Variants in FREM2 observed in about 807,000 individuals in gnomAD.
FREM2 encodes FRAS1-related extracellular matrix protein 2.
A neutral mutation model predicts 219.9 loss-of-function variants in FREM2; 119 were observed. The ratio of observed to expected loss-of-function variants is 0.54; its 90% confidence interval spans 0.47 to 0.63. FREM2 has a LOEUF of 0.63. Among genes scored for constraint, FREM2 ranks in the 30% least tolerant of loss-of-function variants. The pLI is 0.00. For missense variants in FREM2, 4,030 were observed against 3,993.6 expected (o/e 1.01, Z -0.25); for synonymous variants, 1,562 against 1,522.8 (o/e 1.03, Z -0.60).
intron 2 of FREM2, among the ~76,000 whole-genome samples, chr13:38,746,157 C>G (rs188238622): frequency 3.9e-5 from 6 of 152,134 alleles, no homozygotes; most frequent in African/African-American, 1.2e-4. Flanking sequence ...GGTCTTTAGA[C>G]CACTTATGCT....
rs1217864870 is a variant in FREM2, at chr13:38,886,859, A to C, written c.*6072A>C. The C allele has an allele frequency of 6.7e-6, 1 of 150,226 alleles. No individual in the cohort carries two copies. The highest frequency in any genetic ancestry group is 2.1e-4 in the South Asian group (1 of 4,830). The allele number at this position is 150,226 out of a possible 1,614,324, so 9.3% of individuals were successfully genotyped here. The stretch of plus-strand genomic sequence containing the variant: ...TGACATATCTGTGTGTAATGGAATT[A>C]TTTGCAGAATTTAATAGCCTTTTTT... On this transcript the variant is annotated 3_prime_UTR_variant, in exon 24 of 24. Coordinates refer to ENST00000280481, the MANE Select transcript of FREM2 (RefSeq NM_207361.6).
chr13:38,722,451 C>T (rs1409971947), intron 2 of FREM2, among the ~76,000 whole-genome samples: 1 of 151,986 alleles, frequency 6.6e-6, no homozygotes, highest in Non-Finnish European at 1.5e-5. Flanking sequence ...AGAGTAAATC[C>T]TTAATCCTGC....
chr13:38,845,139 G>T (rs886921934), intron 6 of FREM2, among the ~76,000 whole-genome samples: 4 of 152,304 alleles, frequency 2.6e-5, no homozygotes, highest in African/African-American at 9.6e-5. Flanking sequence ...ATTTGAAGGG[G>T]CTGTATGATT....
At chr13:38,753,645 A>G (rs1285535498) in intron 2 of FREM2, among the ~76,000 whole-genome samples, 1 of 152,256 alleles carries the variant, frequency 6.6e-6, no homozygotes, top group African/African-American at 2.4e-5. Context: ...TTAGCTTGTA[A>G]TTTAGACTCC....
chr13:38,855,781 A>G (rs543013466), intron 11 of FREM2, among the ~76,000 whole-genome samples: 16 of 152,242 alleles, frequency 1.1e-4, no homozygotes, highest in East Asian at 3.9e-4. Context: ...GGTACAGTGT[A>G]TACTGCTTGG....
At chr13:38,868,702 T>G (rs1878057189) in intron 16 of FREM2, among the ~76,000 whole-genome samples, 1 of 152,206 alleles carries the variant, frequency 6.6e-6, no homozygotes, top group Admixed American at 6.5e-5. Flanking sequence ...GGTCTACAGC[T>G]TCATCTGAAT....
At chr13:38,725,164 A>C (rs1393409293) in intron 2 of FREM2, among the ~76,000 whole-genome samples, 1 of 152,244 alleles carries the variant, frequency 6.6e-6, no homozygotes, top group Non-Finnish European at 1.5e-5. Flanking sequence ...GTGCATACAC[A>C]GAAATTTATT....
intron 6 of FREM2, among the ~76,000 whole-genome samples, chr13:38,809,492 T>C (rs1875389899): frequency 6.6e-6 from 1 of 152,036 alleles, no homozygotes; most frequent in South Asian, 2.1e-4. Flanking sequence ...CCATTTTTAT[T>C]TGATGTTTGT....
chr13:38,794,901 C>A (rs890781602), intron 6 of FREM2, among the ~76,000 whole-genome samples: 11 of 152,084 alleles, frequency 7.2e-5, no homozygotes, highest in Admixed American at 6.6e-4. Flanking sequence ...ATGAATAATC[C>A]AGTTAAACCT....
chr13:38,855,215 G>A (rs1200113424), intron 11 of FREM2, among the ~76,000 whole-genome samples: 1 of 151,630 alleles, frequency 6.6e-6, no homozygotes, highest in Non-Finnish European at 1.5e-5. Flanking sequence ...ACAGGGTGAA[G>A]GGAAAAAAAT....
In FREM2 at chr13:38,689,316, T is replaced by A; in HGVS notation, c.1972T>A (p.Ser658Thr). The A allele has an allele frequency of 6.2e-7, 1 of 1,614,026 alleles. No individual in the cohort carries two copies. The highest frequency in any genetic ancestry group is 8.5e-7 in the Non-Finnish European group (1 of 1,179,974). ...ITEGRLFYRH[S>T]GPHSPGPVTD... The stretch of plus-strand genomic sequence containing the variant: ...AGAGGGCAGGCTGTTCTATAGACAC[T>A]CTGGGCCCCATAGTCCTGGGCCAGT... The change falls in exon 1 of 24, where the codon TCT (serine) becomes ACT (threonine). Residue 658 changes from serine (S) to threonine (T), a missense_variant. By Grantham distance (58) the Ser-to-Thr change is moderately conservative. Coordinates refer to ENST00000280481, the MANE Select transcript of FREM2 (RefSeq NM_207361.6).
At chr13:38,694,659 T>C (rs1222334304) in intron 1 of FREM2, among the ~76,000 whole-genome samples, 1 of 152,220 alleles carries the variant, frequency 6.6e-6, no homozygotes, top group Non-Finnish European at 1.5e-5. Flanking sequence ...GAGAAGGTTA[T>C]TCCTAAATTG....
intron 16 of FREM2, among the ~76,000 whole-genome samples, chr13:38,870,778 T>C (rs893120056): frequency 6.6e-6 from 1 of 152,184 alleles, no homozygotes; most frequent in African/African-American, 2.4e-5. Context: ...GTTGGGGAGC[T>C]GTACTCCAAG....
At chr13:38,694,775 A>G (rs1218768540) in intron 1 of FREM2, among the ~76,000 whole-genome samples, 1 of 152,240 alleles carries the variant, frequency 6.6e-6, no homozygotes, top group Non-Finnish European at 1.5e-5. Context: ...GATATCATTT[A>G]TTTATTTCAA....
chr13:38,857,788 C>T, intron 12 of FREM2, 87 bp from the exon 13 acceptor site: 1 of 1,178,316 alleles, frequency 8.5e-7, no homozygotes, highest in Non-Finnish European at 1.3e-6. Flanking sequence ...CATGGGGTTG[C>T]CAGGGATCGT....
At chr13:38,839,741 C>G (rs1876873308) in intron 6 of FREM2, among the ~76,000 whole-genome samples, 1 of 152,026 alleles carries the variant, frequency 6.6e-6, no homozygotes, top group African/African-American at 2.4e-5. Context: ...TTCCTGGAGG[C>G]TTTTTTTACT....
intron 13 of FREM2, 70 bp from the exon 14 acceptor site, chr13:38,859,217 G>A: frequency 6.7e-7 from 1 of 1,485,470 alleles, no homozygotes; most frequent in Non-Finnish European, 9.4e-7. Context: ...CTCGATGGCA[G>A]AGAACGGGAG....
chr13:38,827,428 C>G (rs764146431), intron 6 of FREM2: 7 of 151,990 alleles, frequency 4.6e-5, no homozygotes, highest in African/African-American at 7.2e-5. Context: ...GATTTACATC[C>G]AAAATGATTA....
At chr13:38,716,320 A>C (rs1870998165) in intron 2 of FREM2, among the ~76,000 whole-genome samples, 1 of 152,136 alleles carries the variant, frequency 6.6e-6, no homozygotes, top group Non-Finnish European at 1.5e-5. Flanking sequence ...ATTTCAAAAT[A>C]GGTACTTATG....
Sources: allele counts gnomAD v4.1 joint callset (sites outside exome capture counted in the v4.1 genomes callset), GRCh38; gene constraint gnomAD v4.1.1; transcripts MANE v1.5; gene names NCBI Gene and HGNC (gene_info 2026-07-23, HGNC 2026-07-21).